CABP4: variants seen among roughly 807,000 people sequenced by gnomAD.
CABP4 encodes the protein calcium binding protein 4, also known as calcium-binding protein 4.
Under a neutral mutation model 30.7 loss-of-function variants are expected in CABP4, and 30 were observed. The ratio of observed to expected loss-of-function variants is 0.98; its 90% CI spans 0.73 to 1.33. CABP4 has a LOEUF of 1.33. Among genes scored for constraint, CABP4 ranks in the 40% most tolerant of loss-of-function variants. The pLI is 0.00. For synonymous variants in CABP4, 161 were observed against 159.2 expected, an observed-to-expected ratio of 1.01 and a Z score of -0.08; for missense variants, 424 against 395.5, an observed-to-expected ratio of 1.07 and a Z score of -0.61.
In CABP4 at chr11:67,455,706, C is replaced by T; in HGVS notation, c.283C>T (p.Gln95Ter). Residue 95 changes from glutamine (Q) to a stop codon, truncating the protein, a stop_gained, in exon 1 of 6, where the codon CAG becomes TAG. Coordinates refer to ENST00000325656, the MANE Select transcript of CABP4 (RefSeq NM_145200.5). LOFTEE classifies it high-confidence loss of function. ...ATCCCCTGGGCCGGCCTCTTCTCGC[C>T]AGTCCCACCGACATCGTCCTGACTC... ...PASPGPASSR[Q>*]SHRHRPDSLH... 6.2e-7 allele frequency: 1 copy of T among 1,608,368 alleles called. No individual in the cohort carries two copies. The highest frequency in any genetic ancestry group is 8.5e-7 in the Non-Finnish European group (1 of 1,178,496).
Position 67,457,643 on chromosome 11 carries a change from C to G in CABP4, c.612C>G (p.His204Gln), listed in dbSNP as rs1273391494. 6.2e-7 allele frequency: 1 copy of G among 1,604,878 alleles called. No homozygotes were observed. Among genetic ancestry groups the G allele is most frequent in the Middle Eastern group, 1.7e-4 (1 of 6,052 alleles). ...IGPKLREETA[H>Q]MLGVRELRIA... ...CAAAGCTGAGGGAGGAGACGGCGCACATGCTGGGGGTGCGAGAGCTGCGCA... is the reference window on the plus strand; with the variant it reads ...CAAAGCTGAGGGAGGAGACGGCGCAGATGCTGGGGGTGCGAGAGCTGCGCA... The change falls in exon 4 of 6, where the codon CAC (histidine) becomes CAG (glutamine). Residue 204 changes from histidine (H) to glutamine (Q), a missense_variant. His to Gln is a conservative substitution (Grantham distance 24). Transcript: ENST00000325656.
chr11:67,460,516 T>TACACAC lies in CABP4; in HGVS notation c.*1879_*1884dup, dbSNP rs35146220. On this transcript the variant is annotated 3_prime_UTR_variant, in exon 6 of 6. Transcript: ENST00000325656. ...AAAAAAATAAAGTATATTTTATATATACACACACACACACACACACACACA... is the reference window on the plus strand; with the variant it reads ...AAAAAAATAAAGTATATTTTATATATACACACACACACACACACACACACACACACA... Among the ~76,000 whole-genome samples the TACACAC allele has an allele frequency of 0.039, 5,834 of 149,410 alleles. 341 individuals are homozygous for TACACAC. Among genetic ancestry groups the TACACAC allele is most frequent in the Admixed American group, 0.18 (2,606 of 14,872 alleles).
chr11:67,456,300 G>C lies in CABP4; in HGVS notation c.399G>C (p.Glu133Asp), dbSNP rs1266008933. 6.2e-7 allele frequency: 1 copy of C among 1,613,722 alleles called. No individual in the cohort carries two copies. Among genetic ancestry groups the C allele is most frequent in the African/African-American group, 1.3e-5 (1 of 74,918 alleles). ...DRELGPEELD[E>D]LQAAFEEFDT... ...GGGCTTGACCTCCCTCCTCCACAGA[G>C]CTTCAGGCCGCCTTCGAGGAGTTTG... The change falls in exon 3 of 6, where the codon GAG (glutamate) becomes GAC (aspartate). Residue 133 changes from glutamate (E) to aspartate (D), a missense_variant and splice_region_variant. Glu to Asp is a conservative substitution (Grantham distance 45). Transcript: ENST00000325656.
chr11:67,458,837 A>C lies in CABP4; in HGVS notation c.*178A>C. ...CTTGTTATGTTACCTGCCCACCCTC[A>C]TCCTTACCTCCTCCTACTCAAGCTG... On this transcript the variant is annotated 3_prime_UTR_variant, in exon 6 of 6. Transcript: ENST00000325656. 1 of 721,544 alleles carries C rather than the reference A, an allele frequency of 1.4e-6. No individual in the cohort carries two copies. The highest frequency in any genetic ancestry group is 2.4e-6 in the Non-Finnish European group (1 of 416,568). The allele number at this position is 721,544 out of a possible 1,614,324, so 44.7% of individuals were successfully genotyped here. A position where few individuals can be genotyped will look rare whatever the true frequency, so the allele number is the denominator to read the frequency against.
chr11:67,457,762 T>C, intron 4 of CABP4, 80 bp downstream of exon 4: 2 of 1,214,224 alleles, frequency 1.6e-6, no homozygotes, highest in Non-Finnish European at 1.2e-6. Context: ...GTCTCAGCCT[T>C]GGGAAGGCCT....
chr11:67,461,097 G>A lies in CABP4; in HGVS notation c.*2438G>A, dbSNP rs886048582. Among the ~76,000 whole-genome samples the A allele has an allele frequency of 6.6e-6, 1 of 152,078 alleles. No homozygotes were observed. The highest frequency in any genetic ancestry group is 2.4e-5 in the African/African-American group (1 of 41,412). On this transcript the variant is annotated 3_prime_UTR_variant, in exon 6 of 6. Transcript: ENST00000325656. ...GGATCACTTGAGGCCAGGAGTTTGAGACCAGCCTAACAGCAAGACCCTGCC... is the reference window on the plus strand; with the variant it reads ...GGATCACTTGAGGCCAGGAGTTTGAAACCAGCCTAACAGCAAGACCCTGCC...
At position 67,459,551 on chromosome 11, in the gene CABP4, T is replaced by G. The variant is rs1864946926; in HGVS notation, c.*892T>G. 6.6e-6 allele frequency: 1 copy of G among 152,268 alleles called. No homozygotes were observed. The highest frequency in any genetic ancestry group is 2.4e-5 in the African/African-American group (1 of 41,452). The allele number at this position is 152,268 out of a possible 1,614,324, so 9.4% of individuals were successfully genotyped here. ...GTGGAAACAGCTGCCCTAAAGAGCC[T>G]GGAACTCCAGGGCCTGCCCTTCAAG... On this transcript the variant is annotated 3_prime_UTR_variant, in exon 6 of 6. Coordinates refer to ENST00000325656, the MANE Select transcript of CABP4 (RefSeq NM_145200.5).
At chr11:67,452,775 AT>A (rs1864610053), upstream of CABP4, 1 of 1,415,948 alleles carries the variant, frequency 7.1e-7, no homozygotes, top group African/African-American at 1.5e-5. Flanking sequence ...TGGTGAATCA[AT>A]GATGGTGTGA....
In CABP4 at chr11:67,461,025, G is replaced by A. The variant is rs1023698554; in HGVS notation, c.*2366G>A. ...AAAAGGTCACTGGAAGACTGGGTGTGGTGGCTTATGCCTGTAATCCCAGCA... is the reference window on the plus strand; with the variant it reads ...AAAAGGTCACTGGAAGACTGGGTGTAGTGGCTTATGCCTGTAATCCCAGCA... On this transcript the variant is annotated 3_prime_UTR_variant, in exon 6 of 6. Coordinates refer to ENST00000325656, the MANE Select transcript of CABP4 (RefSeq NM_145200.5). Among the ~76,000 whole-genome samples the A allele has an allele frequency of 6.6e-6, 1 of 151,670 alleles. No homozygotes were observed. The highest frequency in any genetic ancestry group is 1.5e-5 in the Non-Finnish European group (1 of 67,930).
intron 4 of CABP4, 105 bp downstream of exon 4, chr11:67,457,787 G>A (rs781177780): frequency 1.1e-5 from 10 of 896,532 alleles, no homozygotes; most frequent in African/African-American, 1.6e-5. Context: ...CCCTGCAGGC[G>A]GTGGGACTGG....
At position 67,461,681 on chromosome 11, in the gene CABP4, T is replaced by G. The variant is rs1241241180; in HGVS notation, c.*3022T>G. On this transcript the variant is annotated 3_prime_UTR_variant, in exon 6 of 6. Coordinates refer to ENST00000325656, the MANE Select transcript of CABP4 (RefSeq NM_145200.5). Reference sequence around the variant, plus strand: ...CTCACGCAACTCTGCTGTTGAAGTTTGTAGTGCAAAGTCAAGTCAACAAAT... The same window carrying G: ...CTCACGCAACTCTGCTGTTGAAGTTGGTAGTGCAAAGTCAAGTCAACAAAT... 1.3e-5 allele frequency: 2 copies of G among 152,222 alleles called. No homozygotes were observed. Among genetic ancestry groups the G allele is most frequent in the African/African-American group, 4.8e-5 (2 of 41,464 alleles). 9.4% of individuals were successfully genotyped at this position (152,222 alleles called of 1,614,324 possible).
intron 4 of CABP4, 36 bp downstream of exon 4, chr11:67,457,718 G>A: frequency 6.6e-7 from 1 of 1,507,518 alleles, no homozygotes; most frequent in South Asian, 1.2e-5. Flanking sequence ...AGGGGGGCAG[G>A]GCTGGGTGGC....
chr11:67,457,970 A>T (rs1223217844), intron 4 of CABP4, among the ~76,000 whole-genome samples: 1 of 152,112 alleles, frequency 6.6e-6, no homozygotes, highest in African/African-American at 2.4e-5. Context: ...TAAGAGTGGA[A>T]CTGGCTGGCC....
In CABP4 at chr11:67,457,985, G is replaced by A. The variant is rs147004056; in HGVS notation, c.651+303G>A. On this transcript the variant is annotated intron_variant, in intron 4 of 5. Transcript: ENST00000325656. Reference sequence around the variant, plus strand: ...TAAGAGTGGAACTGGCTGGCCAGGCGCGGTGGCTCACGCCTGCAATCCCAG... The same window carrying A: ...TAAGAGTGGAACTGGCTGGCCAGGCACGGTGGCTCACGCCTGCAATCCCAG... Among the ~76,000 whole-genome samples, 21 of 152,298 alleles carry A rather than the reference G, an allele frequency of 1.4e-4. No homozygotes were observed. The East Asian group carries it at 3.1e-3, about 22-fold the overall frequency.
At chr11:67,452,411 C>G, upstream of CABP4, 1 of 1,612,728 alleles carries the variant, frequency 6.2e-7, no homozygotes, top group Non-Finnish European at 8.5e-7. Context: ...GTAGTAGAAG[C>G]GGCAGGCAGC....
At chr11:67,458,546 C>T (rs751325280) in intron 5 of CABP4, 28 bp downstream of exon 5, 17 of 1,613,996 alleles carry the variant, frequency 1.1e-5, no homozygotes, top group South Asian at 2.2e-5. Flanking sequence ...AAAACCCTCC[C>T]GTGCTTCCAG....
Position 67,455,389 on chromosome 11 carries a change from G to A in CABP4, c.-35G>A. 2 of 1,586,852 alleles carry A rather than the reference G, an allele frequency of 1.3e-6. No homozygotes were observed. Among genetic ancestry groups the A allele is most frequent in the Non-Finnish European group, 8.6e-7 (1 of 1,167,226 alleles). ...GTCCTGAAAGCCAAGGGTGCCCAGG[G>A]GTGTGGTGTCTCTGAGCCCTGTTAT... On this transcript the variant is annotated 5_prime_UTR_variant, in exon 1 of 6. Transcript: ENST00000325656.
At chr11:67,455,852 G>A in intron 1 of CABP4, 63 bp downstream of exon 1, 3 of 1,529,090 alleles carry the variant, frequency 2.0e-6, no homozygotes, top group Non-Finnish European at 2.6e-6. Flanking sequence ...CACCCCTTGG[G>A]CTCAGCTCAC....
chr11:67,456,536 G>A, intron 3 of CABP4, 94 bp downstream of exon 3: 1 of 1,474,504 alleles, frequency 6.8e-7, no homozygotes, highest in Non-Finnish European at 9.2e-7. Flanking sequence ...CCATCGGGGT[G>A]CTAGTGGGAG....
Sources: allele counts gnomAD v4.1 joint callset (sites outside exome capture counted in the v4.1 genomes callset), GRCh38; gene constraint gnomAD v4.1.1; transcripts MANE v1.5; gene names NCBI Gene and HGNC (gene_info 2026-07-23, HGNC 2026-07-21).